EXT1: variants seen among roughly 807,000 people sequenced by gnomAD.
The protein encoded by EXT1 is exostosin-1.
In EXT1, 20 loss-of-function variants were observed where a neutral mutation model predicts 82.5. The ratio of observed to expected loss-of-function variants is 0.24; its 90% CI spans 0.17 to 0.35. The LOEUF is 0.35. Ranked by LOEUF, EXT1 falls within the 10% of genes least tolerant of loss-of-function variation. The pLI, the probability that EXT1 is intolerant of heterozygous loss-of-function variation, is 1.00. For synonymous variants in EXT1, 348 were observed against 350.8 expected, an observed-to-expected ratio of 0.99 and a Z score of 0.09; for missense variants, 757 against 936.5, an observed-to-expected ratio of 0.81 and a Z score of 2.50.
intron 1 of EXT1, among the ~76,000 whole-genome samples, chr8:117,886,163 T>C (rs531799769): frequency 2.6e-5 from 4 of 152,264 alleles, no homozygotes; most frequent in African/African-American, 7.2e-5. Flanking sequence ...ATAGCAAAAA[T>C]AGCAGTATAT....
In EXT1 at chr8:117,837,201, C is replaced by A. The variant is rs150109153; in HGVS notation, c.963G>T (p.Lys321Asn). The change falls in exon 2 of 11, where the codon AAG (lysine) becomes AAT (asparagine). Residue 321 changes from lysine (K) to asparagine (N), a missense_variant and splice_region_variant. By Grantham distance (94) the Lys-to-Asn change is moderately conservative (BLOSUM62 0). Around this residue, in one of 4 missense-constraint regions of EXT1, gnomAD observed 247 missense variants for 330.1 expected, o/e 0.75. Coordinates refer to ENST00000378204, the MANE Select transcript of EXT1 (RefSeq NM_000127.3). ...RCDRDNTEYE[K>N]YDYREMLHNA... ...TGTGCAGCATTTCCCGATAATCATA[C>A]CTAGAAAGAGAAGAGGAGTAAACAG... 6.2e-7 allele frequency: 1 copy of A among 1,612,346 alleles called. No homozygotes were observed. The highest frequency in any genetic ancestry group is 1.6e-4 in the Middle Eastern group (1 of 6,062).
At chr8:117,851,650 C>CACACACACA (rs57555594) in intron 1 of EXT1, among the ~76,000 whole-genome samples, 4 of 146,308 alleles carry the variant, frequency 2.7e-5, no homozygotes, top group Admixed American at 1.4e-4. Context: ...CACACACACA[C>CACACACACA]CATTATTTAA....
intron 1 of EXT1, among the ~76,000 whole-genome samples, chr8:117,976,717 A>G (rs1420438967): frequency 6.6e-6 from 1 of 152,376 alleles, no homozygotes; most frequent in East Asian, 1.9e-4. Context: ...CATTTTATGT[A>G]AGCTTATACT....
chr8:117,838,776 GCA>G (rs964989684), intron 1 of EXT1, among the ~76,000 whole-genome samples: 7 of 151,346 alleles, frequency 4.6e-5, no homozygotes, highest in East Asian at 1.9e-4. Flanking sequence ...AGAGAAATAT[GCA>G]CACACACACA....
chr8:117,809,218 A>AATATATATATATATATATATATAT lies in EXT1; in HGVS notation c.1723-1865_1723-1842dup, dbSNP rs71307404. 3.2e-3 allele frequency among the ~76,000 whole-genome samples: 342 copies of AATATATATATATATATATATATAT among 107,778 alleles called. 1 individual carries two copies. The highest frequency in any genetic ancestry group is 5.3e-3 in the Middle Eastern group (1 of 190). 70.7% of individuals were successfully genotyped at this position (107,778 alleles called of 152,430 possible). The stretch of plus-strand genomic sequence containing the variant: ...GTATATATATGTGTGTGTGTGTATA[A>AATATATATATATATATATATATAT]ATATATATATATATATATATATATA... On this transcript the variant is annotated intron_variant, in intron 8 of 10. Transcript: ENST00000378204.
intron 1 of EXT1, among the ~76,000 whole-genome samples, chr8:117,934,639 A>C (rs1159245054): frequency 1.3e-5 from 2 of 152,166 alleles, no homozygotes; most frequent in Non-Finnish European, 2.9e-5. Context: ...CTGGCTAGAG[A>C]ATGAAATCTG....
intron 10 of EXT1, among the ~76,000 whole-genome samples, chr8:117,803,660 A>C (rs1823199421): frequency 6.6e-6 from 1 of 152,160 alleles, no homozygotes; most frequent in Non-Finnish European, 1.5e-5. Flanking sequence ...TCTGTCTCTA[A>C]CTTACTGGGC....
chr8:118,051,405 T>G (rs552869007), intron 1 of EXT1, among the ~76,000 whole-genome samples: 2 of 152,340 alleles, frequency 1.3e-5, no homozygotes, highest in African/African-American at 4.8e-5. Context: ...ATTTTGAAAT[T>G]TATCCTTTTA....
intron 1 of EXT1, among the ~76,000 whole-genome samples, chr8:117,909,745 C>T (rs1813610234): frequency 6.6e-6 from 1 of 151,016 alleles, no homozygotes; most frequent in Non-Finnish European, 1.5e-5. Flanking sequence ...AATCCTGCTG[C>T]AGAAAAGGTT....
chr8:117,816,253 G>A (rs1362712397), intron 7 of EXT1, among the ~76,000 whole-genome samples: 2 of 152,034 alleles, frequency 1.3e-5, no homozygotes, highest in Non-Finnish European at 2.9e-5. Flanking sequence ...TCACACAAAA[G>A]TAATTTTGAC....
At chr8:118,049,114 G>T (rs1586363665) in intron 1 of EXT1, among the ~76,000 whole-genome samples, 1 of 151,236 alleles carries the variant, frequency 6.6e-6, no homozygotes, top group East Asian at 1.9e-4. Context: ...ATTTTTAAAA[G>T]AAAAAAAACA....
chr8:117,959,208 A>G (rs975575057), intron 1 of EXT1, among the ~76,000 whole-genome samples: 1 of 152,220 alleles, frequency 6.6e-6, no homozygotes. Flanking sequence ...AAAGCTGGCC[A>G]AGGGACAGGC....
intron 1 of EXT1, among the ~76,000 whole-genome samples, chr8:118,028,893 G>A (rs1816250019): frequency 6.6e-6 from 1 of 152,070 alleles, no homozygotes; most frequent in African/African-American, 2.4e-5. Flanking sequence ...TTGCACTCCA[G>A]CCTGAGCAAC....
chr8:118,076,222 A>G (rs758182502), intron 1 of EXT1, among the ~76,000 whole-genome samples: 5 of 152,224 alleles, frequency 3.3e-5, no homozygotes, highest in African/African-American at 4.8e-5. Flanking sequence ...GTAAGGTATC[A>G]ACACCGATAA....
At chr8:117,980,724 T>TCCAGTGTGAG (rs1815179337) in intron 1 of EXT1, among the ~76,000 whole-genome samples, 2 of 136,520 alleles carry the variant, frequency 1.5e-5, no homozygotes, top group Admixed American at 7.6e-5. Flanking sequence ...TTTTTTTTTT[T>TCCAGTGTGAG]TTTTTTTCCA....
chr8:117,821,989 A>G (rs1447798237), intron 5 of EXT1, among the ~76,000 whole-genome samples: 1 of 152,180 alleles, frequency 6.6e-6, no homozygotes, highest in Non-Finnish European at 1.5e-5. Context: ...TAGCACATAG[A>G]AGGAGCATAA....
At chr8:117,957,800 T>G (rs17430965) in intron 1 of EXT1, among the ~76,000 whole-genome samples, 1 of 152,132 alleles carries the variant, frequency 6.6e-6, no homozygotes, top group African/African-American at 2.4e-5. Context: ...TCCTTCTCTG[T>G]GTCCAGTTCC....
intron 1 of EXT1, among the ~76,000 whole-genome samples, chr8:117,878,001 G>A (rs565164252): frequency 3.3e-4 from 50 of 152,266 alleles, no homozygotes; most frequent in African/African-American, 9.6e-4. Context: ...GGCTAGGTGC[G>A]GTGGCTCACA....
chr8:117,950,004 C>T (rs1463726559), intron 1 of EXT1, among the ~76,000 whole-genome samples: 1 of 152,124 alleles, frequency 6.6e-6, no homozygotes, highest in Non-Finnish European at 1.5e-5. Context: ...GCGGGCAGAT[C>T]GCTTGAGGTC....
Sources: gnomAD v4.1 joint callset for allele counts (sites outside exome capture counted in the v4.1 genomes callset) on GRCh38, gnomAD v4.1.1 for gene constraint, gnomAD v4.1.1 regional missense constraint, MANE v1.5 for transcripts, NCBI Gene and HGNC (gene_info 2026-07-23, HGNC 2026-07-21) for gene names.